MTHFD2L: variants seen among roughly 807,000 people sequenced by gnomAD.
MTHFD2L encodes methylenetetrahydrofolate dehydrogenase (NADP+ dependent) 2 like, also known as bifunctional methylenetetrahydrofolate dehydrogenase/cyclohydrolase 2, mitochondrial.
In MTHFD2L, 29 loss-of-function variants were observed where a neutral mutation model predicts 34.9. That is an observed-to-expected ratio of 0.83 (90% CI 0.62 to 1.13). The LOEUF is 1.13. Ranked by LOEUF, MTHFD2L falls within the 50% of genes most tolerant of loss-of-function variation. The pLI is 0.00. For synonymous variants in MTHFD2L, 167 were observed against 155.7 expected, an observed-to-expected ratio of 1.07 and a Z score of -0.54; for missense variants, 481 against 446.5, an observed-to-expected ratio of 1.08 and a Z score of -0.70.
intron 1 of MTHFD2L, among the ~76,000 whole-genome samples, chr4:74,131,711 G>T (rs981979717): frequency 1.3e-5 from 2 of 151,948 alleles, no homozygotes; most frequent in Non-Finnish European, 2.9e-5. Context: ...AGCAATGGCA[G>T]CAAAAGCCAA....
At chr4:74,174,764 A>G in intron 2 of MTHFD2L, 74 bp downstream of exon 2, 3 of 1,029,926 alleles carry the variant, frequency 2.9e-6, no homozygotes, top group Non-Finnish European at 4.0e-6. Context: ...ATAATTATGA[A>G]TGATAATTAT....
At chr4:74,227,419 G>A (rs960410090) in intron 6 of MTHFD2L, among the ~76,000 whole-genome samples, 4 of 150,936 alleles carry the variant, frequency 2.7e-5, no homozygotes, top group African/African-American at 9.9e-5. Context: ...TACTATATGG[G>A]GTGGATTCTG....
At position 74,267,889 on chromosome 4, in the gene MTHFD2L, A is replaced by G. The variant is rs1326886871; in HGVS notation, c.806-13536A>G. On this transcript the variant is annotated intron_variant, in intron 6 of 7. Transcript: ENST00000325278. ...GGATTCCAAAGCCCTAGACGATCCA[A>G]TATGGCACAGAGCAGAGCCCTACTG... 9 of 985,168 alleles carry G rather than the reference A, an allele frequency of 9.1e-6. No homozygotes were observed. In the South Asian group the frequency reaches 2.3e-4, roughly 26 times the overall value. 61.0% of individuals were successfully genotyped at this position (985,168 alleles called of 1,614,324 possible). A position where few individuals can be genotyped will look rare whatever the true frequency, so the allele number is the denominator to read the frequency against.
At chr4:74,147,694 G>T (rs756302524) in intron 1 of MTHFD2L, among the ~76,000 whole-genome samples, 1 of 152,102 alleles carries the variant, frequency 6.6e-6, no homozygotes, top group Non-Finnish European at 1.5e-5. Context: ...TTGTTTGTTT[G>T]TTTGTTTGTT....
At chr4:74,247,087 A>G (rs80018616) in intron 6 of MTHFD2L, among the ~76,000 whole-genome samples, 140,204 of 143,102 alleles carry the variant, frequency 0.98, 68,714 homozygotes, top group Middle Eastern at 1. Flanking sequence ...CCATTTTCAC[A>G]ATATTGATTC....
intron 1 of MTHFD2L, among the ~76,000 whole-genome samples, chr4:74,144,515 C>T (rs1489854782): frequency 6.6e-6 from 1 of 152,020 alleles, no homozygotes; most frequent in Non-Finnish European, 1.5e-5. Flanking sequence ...ATTAGTGGTG[C>T]TGGGTAATTT....
chr4:74,246,880 A>G (rs565075823), intron 6 of MTHFD2L, among the ~76,000 whole-genome samples: 132 of 152,290 alleles, frequency 8.7e-4, no homozygotes, highest in African/African-American at 3.1e-3. Context: ...TGGTTACTGT[A>G]GCCTTGTAGT....
chr4:74,142,590 TA>T (rs1293457937), intron 1 of MTHFD2L, among the ~76,000 whole-genome samples: 1 of 152,236 alleles, frequency 6.6e-6, no homozygotes, highest in East Asian at 1.9e-4. Flanking sequence ...TAATTTGTTT[TA>T]GCAGCACAAA....
intron 6 of MTHFD2L, among the ~76,000 whole-genome samples, chr4:74,248,022 T>A (rs576005858): frequency 6.6e-6 from 1 of 152,280 alleles, no homozygotes; most frequent in African/African-American, 2.4e-5. Context: ...ATTCCCTCTT[T>A]TTCTATTGAA....
chr4:74,188,494 C>T (rs998917605), intron 3 of MTHFD2L, among the ~76,000 whole-genome samples: 7 of 152,076 alleles, frequency 4.6e-5, no homozygotes, highest in Non-Finnish European at 7.4e-5. Context: ...AATACAATCA[C>T]ATTAAGTGTT....
intron 7 of MTHFD2L, among the ~76,000 whole-genome samples, chr4:74,298,584 T>A (rs1194874992): frequency 6.6e-6 from 1 of 152,042 alleles, no homozygotes; most frequent in Non-Finnish European, 1.5e-5. Context: ...AGCATACCAG[T>A]GGTTTATCTG....
intron 5 of MTHFD2L, 66 bp from the exon 6 acceptor site, chr4:74,225,236 A>T: frequency 8.3e-7 from 1 of 1,203,840 alleles, no homozygotes; most frequent in Non-Finnish European, 1.2e-6. Context: ...ACTCTTCTGG[A>T]TTTAGAGCAT....
At chr4:74,287,094 T>C (rs1030688728) in intron 7 of MTHFD2L, among the ~76,000 whole-genome samples, 7 of 152,166 alleles carry the variant, frequency 4.6e-5, no homozygotes, top group African/African-American at 1.7e-4. Context: ...ATATTGTTGA[T>C]GAAACTGGTT....
At chr4:74,179,641 C>T (rs1217742227) in intron 3 of MTHFD2L, among the ~76,000 whole-genome samples, 1 of 150,308 alleles carries the variant, frequency 6.7e-6, no homozygotes, top group Non-Finnish European at 1.5e-5. Flanking sequence ...AATTGAAAAT[C>T]GATCTTTTAT....
chr4:74,249,572 A>G (rs966861994), intron 6 of MTHFD2L, among the ~76,000 whole-genome samples: 1 of 151,498 alleles, frequency 6.6e-6, no homozygotes, highest in African/African-American at 2.4e-5. Flanking sequence ...TTTCTTCCTA[A>G]TCTTGATGGT....
chr4:74,157,353 G>A, upstream of MTHFD2L: 1 of 269,700 alleles, frequency 3.7e-6, no homozygotes, highest in Non-Finnish European at 7.3e-6. Flanking sequence ...TAACTTCCCA[G>A]CTGGTTTTAT....
rs1439849919 is a variant in MTHFD2L, at chr4:74,301,777, A to G, written c.1012A>G (p.Thr338Ala). The G allele has an allele frequency of 1.2e-6, 2 of 1,607,616 alleles. No individual in the cohort carries two copies. The highest frequency in any genetic ancestry group is 1.7e-6 in the Non-Finnish European group (2 of 1,176,484). Residue 338 changes from threonine to alanine, a missense_variant, in exon 8 of 8, where the codon ACC (threonine) becomes GCC (alanine). Coordinates refer to ENST00000325278, the MANE Select transcript of MTHFD2L (RefSeq NM_001144978.3). ...PMTVAMLLKN[T>A]LLAAKKIIY ...GACAGTGGCAATGCTTCTGAAGAACACCCTTCTGGCAGCTAAAAAAATCAT... is the reference window on the plus strand; with the variant it reads ...GACAGTGGCAATGCTTCTGAAGAACGCCCTTCTGGCAGCTAAAAAAATCAT...
chr4:74,207,160 A>G (rs915017232), intron 5 of MTHFD2L, among the ~76,000 whole-genome samples: 1 of 152,058 alleles, frequency 6.6e-6, no homozygotes, highest in Non-Finnish European at 1.5e-5. Flanking sequence ...TCCACCTCTC[A>G]AAATGTTGAG....
chr4:74,217,820 T>A lies in MTHFD2L; in HGVS notation c.713-7482T>A, dbSNP rs868340031. Among the ~76,000 whole-genome samples the A allele has an allele frequency of 9.9e-5, 15 of 152,162 alleles. 1 individual carries two copies. The Middle Eastern group carries it at 0.014, about 138-fold the overall frequency. On this transcript the variant is annotated intron_variant, in intron 5 of 7. Coordinates refer to ENST00000325278, the MANE Select transcript of MTHFD2L (RefSeq NM_001144978.3). ...ACAGTCAAGACTAAGTAATATGCTC[T>A]CCTCATATTTTTTTGGAAAGTGGTT... is the stretch of plus-strand genomic sequence containing the variant.
Sources: gnomAD v4.1 joint callset for allele counts (sites outside exome capture counted in the v4.1 genomes callset) on GRCh38, gnomAD v4.1.1 for gene constraint, MANE v1.5 for transcripts, NCBI Gene and HGNC (gene_info 2026-07-23, HGNC 2026-07-21) for gene names.